CDKAL1: variants seen among roughly 807,000 people sequenced by gnomAD.
CDKAL1 encodes threonylcarbamoyladenosine tRNA methylthiotransferase.
In CDKAL1, 32 loss-of-function variants were observed where a neutral mutation model predicts 68.2. That is an observed-to-expected ratio of 0.47 (90% CI 0.35 to 0.63). The LOEUF is 0.63. Ranked by LOEUF, CDKAL1 falls within the 30% of genes least tolerant of loss-of-function variation. CDKAL1 has a pLI of 0.00. For missense variants in CDKAL1, 606 were observed against 696.7 expected (o/e 0.87, Z 1.47); for synonymous variants, 234 against 244.3 (o/e 0.96, Z 0.39).
At chr6:20,928,021 T>C (rs552901738) in intron 9 of CDKAL1, among the ~76,000 whole-genome samples, 2 of 152,312 alleles carry the variant, frequency 1.3e-5, no homozygotes, top group African/African-American at 4.8e-5. Context: ...GGAAATGTTT[T>C]GTCTCTGAAA....
At chr6:20,629,358 G>A (rs9465840) in intron 4 of CDKAL1, among the ~76,000 whole-genome samples, 3,979 of 152,218 alleles carry the variant, frequency 0.026, 173 homozygotes, top group African/African-American at 0.089. Context: ...TGTTAACTTT[G>A]ATCAGTTGAT....
At chr6:21,138,453 G>T (rs993161009) in intron 13 of CDKAL1, among the ~76,000 whole-genome samples, 5 of 152,200 alleles carry the variant, frequency 3.3e-5, no homozygotes, top group Admixed American at 1.3e-4. Flanking sequence ...AGTGAACCTG[G>T]CTTGGAAAAT....
chr6:21,131,553 A>G (rs1462263431), intron 13 of CDKAL1, among the ~76,000 whole-genome samples: 1 of 152,228 alleles, frequency 6.6e-6, no homozygotes, highest in Non-Finnish European at 1.5e-5. Context: ...AGTCAAAAGC[A>G]ATTTGATGCA....
intron 4 of CDKAL1, among the ~76,000 whole-genome samples, chr6:20,565,204 C>G (rs72830620): frequency 0.053 from 8,088 of 152,072 alleles, 237 homozygotes; most frequent in Middle Eastern, 0.075. Flanking sequence ...TGAAAAAGCA[C>G]AAGACAGTTC....
chr6:20,629,302 A>T (rs1767571196), intron 4 of CDKAL1, among the ~76,000 whole-genome samples: 1 of 152,174 alleles, frequency 6.6e-6, no homozygotes, highest in Admixed American at 6.5e-5. Context: ...CTCTCAGTGC[A>T]TCTTATCAAG....
intron 8 of CDKAL1, among the ~76,000 whole-genome samples, chr6:20,842,788 G>A (rs138678053): frequency 0.011 from 1,708 of 152,164 alleles, 28 homozygotes; most frequent in African/African-American, 0.039. Context: ...CCGAGATCAC[G>A]ACATTGCACT....
At chr6:21,125,502 G>A (rs774945886) in intron 13 of CDKAL1, among the ~76,000 whole-genome samples, 55 of 152,138 alleles carry the variant, frequency 3.6e-4, no homozygotes, top group Admixed American at 6.5e-4. Flanking sequence ...GAGAAACCCC[G>A]TCTCTACTAA....
rs1034490499 is a variant in CDKAL1 at position 21,053,381 on chromosome 6, T to C, written c.1056-11667T>C. Among the ~76,000 whole-genome samples the C allele has an allele frequency of 2.0e-5, 3 of 152,220 alleles. No individual in the cohort carries two copies. The East Asian group carries it at 5.8e-4, about 29-fold the overall frequency. ...TATTCATTCAACAATTGATAGACAT[T>C]TGGACTGTTACCAGTTTGGGGCAGT... On this transcript the variant is annotated intron_variant, in intron 11 of 15. Transcript: ENST00000274695.
chr6:20,755,255 C>G (rs1408659832), intron 6 of CDKAL1, among the ~76,000 whole-genome samples: 1 of 152,132 alleles, frequency 6.6e-6, no homozygotes, highest in East Asian at 1.9e-4. Context: ...GATATAATGT[C>G]TTGGCAACAT....
At chr6:20,768,381 T>G (rs1774791891) in intron 7 of CDKAL1, among the ~76,000 whole-genome samples, 1 of 152,184 alleles carries the variant, frequency 6.6e-6, no homozygotes, top group African/African-American at 2.4e-5. Flanking sequence ...TAGAATAGTT[T>G]TTGGCATTTT....
chr6:20,689,079 G>C (rs548642340), intron 5 of CDKAL1, among the ~76,000 whole-genome samples: 1 of 152,302 alleles, frequency 6.6e-6, no homozygotes, highest in Middle Eastern at 3.4e-3. Flanking sequence ...ACCCCAGCAG[G>C]TTAGGCTGTA....
chr6:20,652,211 G>A (rs543396516), intron 5 of CDKAL1, among the ~76,000 whole-genome samples: 2 of 152,188 alleles, frequency 1.3e-5, no homozygotes, highest in East Asian at 3.9e-4. Context: ...CAGTATTTGT[G>A]AAGTTAGCTA....
intron 12 of CDKAL1, among the ~76,000 whole-genome samples, chr6:21,096,160 C>A (rs1773302358): frequency 6.6e-6 from 1 of 152,160 alleles, no homozygotes; most frequent in Admixed American, 6.5e-5. Context: ...TGGCACAGAA[C>A]AATTTTCGAG....
intron 15 of CDKAL1, among the ~76,000 whole-genome samples, chr6:21,202,008 A>T (rs1367642412): frequency 6.6e-6 from 1 of 152,170 alleles, no homozygotes; most frequent in Non-Finnish European, 1.5e-5. Context: ...AAAATAACTG[A>T]TATTTATCTG....
intron 13 of CDKAL1, among the ~76,000 whole-genome samples, chr6:21,172,506 T>C (rs1182131515): frequency 6.6e-6 from 1 of 152,168 alleles, no homozygotes; most frequent in African/African-American, 2.4e-5. Flanking sequence ...TCCCAACACT[T>C]TGGGAGGCAG....
At chr6:20,666,688 CTTTTTTTT>C (rs35042364) in intron 5 of CDKAL1, among the ~76,000 whole-genome samples, 2 of 135,834 alleles carry the variant, frequency 1.5e-5, no homozygotes, top group Non-Finnish European at 1.6e-5. Flanking sequence ...CCAAAGAATC[CTTTTTTTT>C]TTTTTTTTTG....
At chr6:20,685,179 A>G (rs1770560742) in intron 5 of CDKAL1, among the ~76,000 whole-genome samples, 1 of 152,178 alleles carries the variant, frequency 6.6e-6, no homozygotes. Flanking sequence ...ATTTTTGTCA[A>G]GAATGTAAGG....
chr6:20,904,171 G>T (rs186773993), intron 9 of CDKAL1, among the ~76,000 whole-genome samples: 4 of 152,276 alleles, frequency 2.6e-5, no homozygotes, highest in Admixed American at 2.6e-4. Context: ...GGCAACCATT[G>T]TTTTTGTGCC....
At chr6:21,180,269 C>T (rs1272474763) in intron 13 of CDKAL1, among the ~76,000 whole-genome samples, 1 of 151,734 alleles carries the variant, frequency 6.6e-6, no homozygotes, top group Non-Finnish European at 1.5e-5. Flanking sequence ...CCATCTGATG[C>T]TTGAACTTTC....
Sources: gnomAD v4.1 joint callset for allele counts (sites outside exome capture counted in the v4.1 genomes callset) on GRCh38, gnomAD v4.1.1 for gene constraint, MANE v1.5 for transcripts, NCBI Gene and HGNC (gene_info 2026-07-23, HGNC 2026-07-21) for gene names.